KCND2: variants seen among roughly 807,000 people sequenced by gnomAD.
KCND2 encodes the protein A-type voltage-gated potassium channel KCND2.
In KCND2, 16 loss-of-function variants were observed where a neutral mutation model predicts 54.4. The observed-to-expected ratio is 0.29, with a 90% CI of 0.20 to 0.45. The LOEUF (loss-of-function observed/expected upper bound fraction) is 0.45. Ranked by LOEUF, KCND2 falls within the 20% of genes least tolerant of loss-of-function variation. The pLI, the probability that KCND2 is intolerant of heterozygous loss-of-function variation, is 1.00. For missense variants in KCND2, 486 were observed against 824.2 expected, an observed-to-expected ratio of 0.59 and a Z score of 5.02; for synonymous variants, 317 against 310.7, an observed-to-expected ratio of 1.02 and a Z score of -0.21.
At chr7:120,669,765 C>A (rs1442464007) in intron 1 of KCND2, among the ~76,000 whole-genome samples, 2 of 152,176 alleles carry the variant, frequency 1.3e-5, no homozygotes, top group Non-Finnish European at 2.9e-5. Flanking sequence ...CAGATCTTAA[C>A]CCGTGCTAAA....
At chr7:120,296,872 A>G (rs1190107687) in intron 1 of KCND2, among the ~76,000 whole-genome samples, 1 of 152,086 alleles carries the variant, frequency 6.6e-6, no homozygotes, top group Non-Finnish European at 1.5e-5. Flanking sequence ...TTATCCATTT[A>G]GCAATTATTT....
intron 1 of KCND2, among the ~76,000 whole-genome samples, chr7:120,477,068 A>G (rs956920954): frequency 2.6e-5 from 4 of 152,210 alleles, no homozygotes; most frequent in African/African-American, 9.6e-5. Context: ...ATGGTAAGCT[A>G]CAGATATGTA....
chr7:120,641,812 A>G (rs1027007825), intron 1 of KCND2, among the ~76,000 whole-genome samples: 4 of 138,830 alleles, frequency 2.9e-5, no homozygotes, highest in African/African-American at 8.2e-5. Flanking sequence ...AAAATTTCCT[A>G]GAAAGAAAAA....
intron 1 of KCND2, among the ~76,000 whole-genome samples, chr7:120,704,983 T>C (rs1792448012): frequency 6.6e-6 from 1 of 152,172 alleles, no homozygotes; most frequent in Admixed American, 6.5e-5. Context: ...TAAACCCTTT[T>C]TAAAAAGAAT....
chr7:120,587,627 A>T lies in KCND2; in HGVS notation c.1116-145276A>T, dbSNP rs549117836. Reference sequence around the variant, plus strand: ...CATAAGATGACCTTTCTCTTTCAACATTTCTTTTGTAACATCAGTCACTCT... The same window carrying T: ...CATAAGATGACCTTTCTCTTTCAACTTTTCTTTTGTAACATCAGTCACTCT... On this transcript the variant is annotated intron_variant, in intron 1 of 5. Coordinates refer to ENST00000331113, the MANE Select transcript of KCND2 (RefSeq NM_012281.3). 2.0e-5 allele frequency among the ~76,000 whole-genome samples: 3 copies of T among 152,170 alleles called. No individual in the cohort carries two copies. The South Asian group carries it at 6.2e-4, about 32-fold the overall frequency.
At chr7:120,522,796 A>G (rs900157268) in intron 1 of KCND2, among the ~76,000 whole-genome samples, 1 of 152,130 alleles carries the variant, frequency 6.6e-6, no homozygotes, top group African/African-American at 2.4e-5. Context: ...TATGTTTCTG[A>G]AATGTGGTAA....
chr7:120,736,018 T>C (rs1301963163), intron 2 of KCND2, among the ~76,000 whole-genome samples: 2 of 152,086 alleles, frequency 1.3e-5, no homozygotes, highest in African/African-American at 4.8e-5. Flanking sequence ...ATTAAAGTTA[T>C]GCAAAAATGA....
At chr7:120,379,590 G>T (rs1017119813) in intron 1 of KCND2, among the ~76,000 whole-genome samples, 19 of 151,882 alleles carry the variant, frequency 1.3e-4, no homozygotes, top group African/African-American at 4.4e-4. Context: ...TTATGTCTGT[G>T]GCCCATTACT....
At chr7:120,406,573 A>G (rs993549779) in intron 1 of KCND2, among the ~76,000 whole-genome samples, 1 of 152,062 alleles carries the variant, frequency 6.6e-6, no homozygotes, top group Non-Finnish European at 1.5e-5. Context: ...AGAAATATGT[A>G]ACACAGCAAT....
intron 1 of KCND2, among the ~76,000 whole-genome samples, chr7:120,627,066 G>A (rs942308426): frequency 1.3e-5 from 2 of 152,262 alleles, no homozygotes; most frequent in Admixed American, 6.5e-5. Context: ...ACACCAAGAG[G>A]CTATTGTATT....
intron 1 of KCND2, among the ~76,000 whole-genome samples, chr7:120,641,335 TA>T (rs899488629): frequency 1.3e-4 from 20 of 152,120 alleles, no homozygotes; most frequent in African/African-American, 4.3e-4. Flanking sequence ...ATGGCTATTT[TA>T]AAAGGCCCTG....
chr7:120,405,796 A>G (rs1563035707), intron 1 of KCND2, among the ~76,000 whole-genome samples: 1 of 152,104 alleles, frequency 6.6e-6, no homozygotes, highest in African/African-American at 2.4e-5. Context: ...GACAGATATT[A>G]AGTGTAGAAT....
At chr7:120,607,850 G>T (rs1391877147) in intron 1 of KCND2, among the ~76,000 whole-genome samples, 2 of 151,994 alleles carry the variant, frequency 1.3e-5, no homozygotes, top group Non-Finnish European at 2.9e-5. Flanking sequence ...AAAGGAAACA[G>T]AAAGAAAAAC....
In KCND2 at chr7:120,402,908, A is replaced by G. The variant is rs759501523; in HGVS notation, c.1115+127161A>G. Among the ~76,000 whole-genome samples the G allele has an allele frequency of 3.9e-5, 6 of 152,326 alleles. No individual in the cohort carries two copies. In the South Asian group the frequency reaches 1.2e-3, roughly 32 times the overall value. On this transcript the variant is annotated intron_variant, in intron 1 of 5. Coordinates refer to ENST00000331113, the MANE Select transcript of KCND2 (RefSeq NM_012281.3). ...TATATTATTACTGTTGAGTGACAGA[A>G]TAGATATTCAATCCTTTAAGCCAAG...
At chr7:120,553,254 G>C (rs1792123409) in intron 1 of KCND2, among the ~76,000 whole-genome samples, 1 of 152,102 alleles carries the variant, frequency 6.6e-6, no homozygotes, top group African/African-American at 2.4e-5. Context: ...CACAGTATTT[G>C]TCTTTGTGTG....
At chr7:120,476,766 CATATT>C (rs1802540048) in intron 1 of KCND2, among the ~76,000 whole-genome samples, 1 of 152,104 alleles carries the variant, frequency 6.6e-6, no homozygotes, top group South Asian at 2.1e-4. Flanking sequence ...TGTGTTGACT[CATATT>C]ATAGGACAAT....
intron 1 of KCND2, among the ~76,000 whole-genome samples, chr7:120,484,467 T>C (rs1427531395): frequency 6.6e-6 from 1 of 150,920 alleles, no homozygotes. Flanking sequence ...TGATTTATTA[T>C]TATATAATAC....
At chr7:120,444,207 T>C (rs185211328) in intron 1 of KCND2, among the ~76,000 whole-genome samples, 1 of 152,224 alleles carries the variant, frequency 6.6e-6, no homozygotes, top group East Asian at 1.9e-4. Flanking sequence ...CACTTAAAAT[T>C]GTGCTTCCTT....
chr7:120,554,468 G>A (rs1019775984), intron 1 of KCND2, among the ~76,000 whole-genome samples: 28 of 152,016 alleles, frequency 1.8e-4, no homozygotes, highest in Non-Finnish European at 3.7e-4. Flanking sequence ...GAGTACAGTG[G>A]CGCGATCTCA....
Sources: allele counts gnomAD v4.1 joint callset (sites outside exome capture counted in the v4.1 genomes callset), GRCh38; gene constraint gnomAD v4.1.1; transcripts MANE v1.5; gene names NCBI Gene and HGNC (gene_info 2026-07-23, HGNC 2026-07-21).